Variants in PTPN13 observed in about 807,000 individuals in gnomAD.
PTPN13 encodes tyrosine-protein phosphatase non-receptor type 13.
In PTPN13, 191 loss-of-function variants were observed where a neutral mutation model predicts 284.0. The observed-to-expected ratio is 0.67, with a 90% CI of 0.60 to 0.76. PTPN13 has a LOEUF of 0.76. Ranked by LOEUF, PTPN13 falls within the 30% of genes least tolerant of loss-of-function variation. The probability of loss-of-function intolerance (pLI) is 0.00; values close to 1 mark genes in which losing one functional copy is unlikely to be tolerated. For missense variants in PTPN13, 2,797 were observed against 2,939.9 expected (o/e 0.95, Z 1.12); for synonymous variants, 986 against 1,022.3 (o/e 0.96, Z 0.68).
At chr4:86,640,134 A>G (rs1723613409) in intron 2 of PTPN13, among the ~76,000 whole-genome samples, 1 of 152,160 alleles carries the variant, frequency 6.6e-6, no homozygotes, top group Non-Finnish European at 1.5e-5. Context: ...GGATTGTGAA[A>G]AAACAGTGTT....
chr4:86,747,060 T>C (rs937043082), intron 17 of PTPN13, among the ~76,000 whole-genome samples: 1 of 152,276 alleles, frequency 6.6e-6, no homozygotes, highest in Non-Finnish European at 1.5e-5. Context: ...ACTAATATTC[T>C]ATTCAGTACA....
At chr4:86,716,324 T>G (rs1246393980) in intron 7 of PTPN13, among the ~76,000 whole-genome samples, 1 of 152,188 alleles carries the variant, frequency 6.6e-6, no homozygotes, top group Non-Finnish European at 1.5e-5. Context: ...TGATTCAAAC[T>G]GAGGCAGTCT....
chr4:86,760,783 A>C (rs1205420049), intron 23 of PTPN13, among the ~76,000 whole-genome samples: 1 of 151,982 alleles, frequency 6.6e-6, no homozygotes, highest in Non-Finnish European at 1.5e-5. Flanking sequence ...AAAAGTATAC[A>C]CCTGTGAAAT....
rs1741169553 is a variant in PTPN13 at position 86,780,455 on chromosome 4, A to G, written c.5945A>G (p.Lys1982Arg). The change falls in exon 36 of 48, where the codon AAG becomes AGG. Residue 1982 changes from lysine to arginine, a missense_variant. Physicochemically the swap from Lys to Arg is conservative, Grantham distance 26. Transcript: ENST00000411767. ...SSKRSAVSAPKSTKGNGSYSV... is the reference protein window; with the variant it reads ...SSKRSAVSAPRSTKGNGSYSV... Reference sequence around the variant, plus strand: ...AAGAGGTCTGCTGTTTCAGCTCCAAAGTCAACCAAAGGCAATGGTAAGGAT... The same window carrying G: ...AAGAGGTCTGCTGTTTCAGCTCCAAGGTCAACCAAAGGCAATGGTAAGGAT... 1 of 1,606,864 alleles carries G rather than the reference A, an allele frequency of 6.2e-7. No individual in the cohort carries two copies. The highest frequency in any genetic ancestry group is 8.5e-7 in the Non-Finnish European group (1 of 1,174,708).
Position 86,732,698 on chromosome 4 carries a change from T to C in PTPN13, c.1790T>C (p.Val597Ala), listed in dbSNP as rs200211374. 26 of 1,613,480 alleles carry C rather than the reference T, an allele frequency of 1.6e-5. No individual in the cohort carries two copies. In the African/African-American group the frequency reaches 3.3e-4, roughly 21 times the overall value. The change falls in exon 12 of 48, where the codon GTG (valine) becomes GCG (alanine). Residue 597 changes from valine to alanine, a missense_variant. Physicochemically the swap from Val to Ala is moderately conservative, Grantham distance 64. Coordinates refer to ENST00000411767, the MANE Select transcript of PTPN13 (RefSeq NM_080683.3). The part of the protein sequence containing the change: ...TCDTKTICKD[V>A]FDMVVAHIGL... ...GATACCAAAACTATATGTAAAGATG[T>C]GTTTGATATGGTTGTGGCACATATT...
At chr4:86,721,750 T>TTTCTCCTTTCCTCTCCTCTC (rs1733688144) in intron 9 of PTPN13, among the ~76,000 whole-genome samples, 4 of 115,588 alleles carry the variant, frequency 3.5e-5, no homozygotes, top group African/African-American at 1.3e-4. Flanking sequence ...CTTCCCCTCT[T>TTTCTCCTTTCCTCTCCTCTC]TTCTCCTTTC....
chr4:86,661,125 C>G (rs1390741002), intron 2 of PTPN13: 1 of 453,544 alleles, frequency 2.2e-6, no homozygotes, highest in East Asian at 7.1e-5. Flanking sequence ...ACCTAGAAGT[C>G]TCCCTCATGT....
chr4:86,600,928 C>G (rs566327160), intron 1 of PTPN13, among the ~76,000 whole-genome samples: 1 of 151,950 alleles, frequency 6.6e-6, no homozygotes, highest in South Asian at 2.1e-4. Context: ...ATGATAAATT[C>G]CCTTGTCAGT....
intron 1 of PTPN13, among the ~76,000 whole-genome samples, chr4:86,632,244 T>C (rs1722548887): frequency 6.6e-6 from 1 of 152,170 alleles, no homozygotes; most frequent in African/African-American, 2.4e-5. Context: ...TAGCTAAGAT[T>C]ATCTATAGAT....
At chr4:86,708,421 T>C (rs1247286966) in intron 7 of PTPN13, among the ~76,000 whole-genome samples, 2 of 152,144 alleles carry the variant, frequency 1.3e-5, no homozygotes, top group Non-Finnish European at 2.9e-5. Flanking sequence ...CATTTTTAAA[T>C]ACTAGGGAAA....
intron 17 of PTPN13, among the ~76,000 whole-genome samples, chr4:86,746,888 C>T (rs536869123): frequency 1.3e-5 from 2 of 152,260 alleles, no homozygotes; most frequent in Admixed American, 6.5e-5. Context: ...CCTCGGCCTC[C>T]CAACTCAGTA....
chr4:86,650,854 A>C (rs75981928), intron 2 of PTPN13, among the ~76,000 whole-genome samples: 7,048 of 152,298 alleles, frequency 0.046, 218 homozygotes, highest in African/African-American at 0.06. Context: ...ACAAGATCAT[A>C]TCATTTGCTA....
intron 38 of PTPN13, 72 bp from the exon 39 acceptor site, chr4:86,785,159 G>A: frequency 8.2e-7 from 1 of 1,224,322 alleles, no homozygotes. Flanking sequence ...AGCAAATTCT[G>A]TTTAACACCT....
chr4:86,694,135 T>C (rs1730338101), intron 6 of PTPN13, among the ~76,000 whole-genome samples: 1 of 151,920 alleles, frequency 6.6e-6, no homozygotes, highest in African/African-American at 2.4e-5. Context: ...ACTAAATAGA[T>C]TTTATCATGG....
At chr4:86,653,613 T>C (rs1725360743) in intron 2 of PTPN13, among the ~76,000 whole-genome samples, 2 of 152,196 alleles carry the variant, frequency 1.3e-5, no homozygotes, top group African/African-American at 4.8e-5. Context: ...AAGCAGAAAT[T>C]TCAAACCATT....
intron 3 of PTPN13, among the ~76,000 whole-genome samples, chr4:86,684,218 A>G (rs944330566): frequency 2.0e-5 from 3 of 152,224 alleles, no homozygotes; most frequent in Non-Finnish European, 2.9e-5. Context: ...ACTGTATCAT[A>G]TATGAGATAA....
At chr4:86,749,898 T>C (rs936420661) in intron 17 of PTPN13, among the ~76,000 whole-genome samples, 2 of 152,230 alleles carry the variant, frequency 1.3e-5, no homozygotes, top group Non-Finnish European at 2.9e-5. Flanking sequence ...TTTTTCTTTG[T>C]AACAGCATTA....
At chr4:86,603,144 T>C (rs1247493870) in intron 1 of PTPN13, among the ~76,000 whole-genome samples, 1 of 152,194 alleles carries the variant, frequency 6.6e-6, no homozygotes, top group Non-Finnish European at 1.5e-5. Context: ...TTTTTTCATG[T>C]TTTAGAAAGG....
intron 47 of PTPN13, among the ~76,000 whole-genome samples, chr4:86,811,675 C>T (rs112242448): frequency 1.3e-5 from 2 of 152,112 alleles, no homozygotes; most frequent in East Asian, 1.9e-4. Context: ...CAGGGAGTGC[C>T]GTATTTAGAG....
Sources: gnomAD v4.1 joint callset for allele counts (sites outside exome capture counted in the v4.1 genomes callset) on GRCh38, gnomAD v4.1.1 for gene constraint, MANE v1.5 for transcripts, NCBI Gene and HGNC (gene_info 2026-07-23, HGNC 2026-07-21) for gene names.